Variants in NPAS3 observed in about 807,000 individuals in gnomAD.
NPAS3 encodes the protein neuronal PAS domain protein 3.
Under a neutral mutation model 73.1 loss-of-function variants are expected in NPAS3, and 14 were observed. The observed-to-expected ratio is 0.19, with a 90% CI of 0.13 to 0.30. NPAS3 has a LOEUF of 0.30. Ranked by LOEUF, NPAS3 falls within the 10% of genes least tolerant of loss-of-function variation. The pLI, the probability that NPAS3 is intolerant of heterozygous loss-of-function variation, is 1.00. For synonymous variants in NPAS3, 620 were observed against 541.5 expected, an observed-to-expected ratio of 1.14 and a Z score of -2.01; for missense variants, 1,096 against 1,250.0, an observed-to-expected ratio of 0.88 and a Z score of 1.86.
intron 2 of NPAS3, among the ~76,000 whole-genome samples, chr14:33,199,068 C>G (rs1415800633): frequency 1.3e-5 from 2 of 152,198 alleles, no homozygotes; most frequent in African/African-American, 4.8e-5. Context: ...CCACCTGGAA[C>G]TTGCGCTGGC....
At chr14:33,419,957 A>G (rs1439268028) in intron 4 of NPAS3, among the ~76,000 whole-genome samples, 3 of 151,936 alleles carry the variant, frequency 2.0e-5, no homozygotes, top group East Asian at 1.9e-4. Flanking sequence ...CTTCCAAGTT[A>G]CTTTTTTTGA....
At chr14:33,093,715 G>T (rs577359634) in intron 2 of NPAS3, among the ~76,000 whole-genome samples, 1 of 152,032 alleles carries the variant, frequency 6.6e-6, no homozygotes, top group South Asian at 2.1e-4. Flanking sequence ...ACTTGGAATC[G>T]ACCCAAATGT....
chr14:33,217,410 T>C (rs777674725), intron 3 of NPAS3, among the ~76,000 whole-genome samples: 3 of 152,192 alleles, frequency 2.0e-5, no homozygotes, highest in Non-Finnish European at 4.4e-5. Flanking sequence ...CACTCTAGTT[T>C]GAGGCACAGG....
intron 3 of NPAS3, among the ~76,000 whole-genome samples, chr14:33,219,194 A>G (rs984348171): frequency 6.6e-6 from 1 of 152,314 alleles, no homozygotes; most frequent in African/African-American, 2.4e-5. Flanking sequence ...TTCTCCATTC[A>G]TAGTAATCTC....
intron 7 of NPAS3, among the ~76,000 whole-genome samples, chr14:33,744,853 T>C (rs2061748042): frequency 6.6e-6 from 1 of 152,066 alleles, no homozygotes; most frequent in South Asian, 2.1e-4. Flanking sequence ...TACCAAAATG[T>C]GATGCAGAGA....
At chr14:32,991,309 T>A (rs960529216) in intron 1 of NPAS3, among the ~76,000 whole-genome samples, 4 of 152,090 alleles carry the variant, frequency 2.6e-5, no homozygotes, top group African/African-American at 9.7e-5. Flanking sequence ...TGAAGGGTAA[T>A]GTCCCCTAAG....
At chr14:33,731,289 C>A (rs1225649898) in intron 6 of NPAS3, among the ~76,000 whole-genome samples, 1 of 151,728 alleles carries the variant, frequency 6.6e-6, no homozygotes, top group Non-Finnish European at 1.5e-5. Context: ...TGTGGTGGCA[C>A]GCACTTGTGA....
At chr14:33,166,674 C>T (rs2045167271) in intron 2 of NPAS3, among the ~76,000 whole-genome samples, 1 of 152,134 alleles carries the variant, frequency 6.6e-6, no homozygotes, top group Non-Finnish European at 1.5e-5. Flanking sequence ...GACATATTGC[C>T]TTCATTTCAG....
chr14:33,696,910 G>A (rs1284443527), intron 6 of NPAS3, among the ~76,000 whole-genome samples: 1 of 152,166 alleles, frequency 6.6e-6, no homozygotes, highest in African/African-American at 2.4e-5. Context: ...CTTCTGAGTT[G>A]CCCAAATCAA....
chr14:33,450,662 G>A (rs1275632761), intron 4 of NPAS3, among the ~76,000 whole-genome samples: 1 of 152,188 alleles, frequency 6.6e-6, no homozygotes, highest in Non-Finnish European at 1.5e-5. Context: ...GTATGTTAGA[G>A]TTGGCCATGA....
At chr14:33,377,554 C>G (rs140597269) in intron 4 of NPAS3, among the ~76,000 whole-genome samples, 3 of 152,330 alleles carry the variant, frequency 2.0e-5, no homozygotes, top group African/African-American at 7.2e-5. Context: ...GAAGGGAGAA[C>G]TTCTCAGAAG....
intron 5 of NPAS3, among the ~76,000 whole-genome samples, chr14:33,594,132 G>A (rs1334874287): frequency 6.6e-6 from 1 of 152,166 alleles, no homozygotes; most frequent in African/African-American, 2.4e-5. Flanking sequence ...GACCCTTTCA[G>A]ATACTAAAAT....
intron 2 of NPAS3, among the ~76,000 whole-genome samples, chr14:33,078,196 T>C (rs1490715176): frequency 6.6e-6 from 1 of 152,016 alleles, no homozygotes; most frequent in Non-Finnish European, 1.5e-5. Flanking sequence ...AAAATACATA[T>C]AGTTCTATTA....
intron 2 of NPAS3, among the ~76,000 whole-genome samples, chr14:33,203,635 C>A (rs915909213): frequency 1.8e-4 from 27 of 152,132 alleles, no homozygotes; most frequent in African/African-American, 6.0e-4. Context: ...ATCCATGTCC[C>A]TACAAAGGAC....
rs533025009 is a variant in NPAS3, at chr14:33,798,448, A to G, written c.1426+867A>G. 1.7e-3 allele frequency among the ~76,000 whole-genome samples: 262 copies of G among 152,240 alleles called. 1 individual carries two copies. The highest frequency in any genetic ancestry group is 3.0e-3 in the Non-Finnish European group (201 of 68,012). ...TGCTACAGAAGGGGAGGCAATGACC[A>G]CAACTTCTAGTCCAGGCTGCCAGTC... On this transcript the variant is annotated intron_variant, in intron 11 of 11. Coordinates refer to ENST00000356141, the Ensembl canonical transcript of NPAS3.
At chr14:33,411,912 G>A (rs1179899268) in intron 4 of NPAS3, among the ~76,000 whole-genome samples, 1 of 152,062 alleles carries the variant, frequency 6.6e-6, no homozygotes, top group African/African-American at 2.4e-5. Flanking sequence ...GCCTTGTCTG[G>A]TACTTTCATG....
intron 1 of NPAS3, among the ~76,000 whole-genome samples, chr14:33,054,409 TTATA>T (rs1422281596): frequency 6.6e-6 from 1 of 152,154 alleles, no homozygotes; most frequent in Non-Finnish European, 1.5e-5. Flanking sequence ...TACATATACT[TTATA>T]TATAAACTAT....
intron 4 of NPAS3, among the ~76,000 whole-genome samples, chr14:33,485,047 C>T (rs10136796): frequency 0.017 from 2,648 of 152,124 alleles, 65 homozygotes; most frequent in African/African-American, 0.06. Flanking sequence ...ATGGACAGGG[C>T]CAGTAAATAG....
At chr14:33,207,575 A>G (rs2046878611) in intron 2 of NPAS3, among the ~76,000 whole-genome samples, 1 of 152,226 alleles carries the variant, frequency 6.6e-6, no homozygotes, top group South Asian at 2.1e-4. Flanking sequence ...ATGTTTAAGA[A>G]CTAGTAAACT....
Sources: gnomAD v4.1 joint callset for allele counts (sites outside exome capture counted in the v4.1 genomes callset) on GRCh38, gnomAD v4.1.1 for gene constraint, MANE v1.5 for transcripts, NCBI Gene and HGNC (gene_info 2026-07-23, HGNC 2026-07-21) for gene names.